The following PLIN4 variants were observed in gnomAD, a reference collection of about 807,000 sequenced individuals.
PLIN4 encodes the protein perilipin-4.
In PLIN4, 57 loss-of-function variants were observed where a neutral mutation model predicts 52.4. That is an observed-to-expected ratio of 1.09 (90% CI 0.88 to 1.36). PLIN4 has a LOEUF of 1.36. Ranked by LOEUF, PLIN4 falls within the 40% of genes most tolerant of loss-of-function variation. PLIN4 has a pLI of 0.00. For missense variants in PLIN4, 1,757 were observed against 1,770.3 expected (o/e 0.99, Z 0.13); for synonymous variants, 826 against 785.4 (o/e 1.05, Z -0.86).
rs1371745015 is a variant in PLIN4 at position 4,510,322 on chromosome 19, C to T, written c.3514+124G>A. 59 of 1,099,994 alleles carry T rather than the reference C, an allele frequency of 5.4e-5. 1 individual carries two copies. Among genetic ancestry groups the T allele is most frequent in the African/African-American group, 9.8e-5 (6 of 61,310 alleles). The allele number at this position is 1,099,994 out of a possible 1,614,324, so 68.1% of individuals were successfully genotyped here. A position where few individuals can be genotyped will look rare whatever the true frequency, so the allele number is the denominator to read the frequency against. On this transcript the variant is annotated intron_variant, in intron 5 of 7. Coordinates refer to ENST00000301286, the MANE Select transcript of PLIN4 (RefSeq NM_001367868.2). ...CGGAGCTTGCAGTGAACCGAGATCACGCCACTGCACTCCAGCCTGGGCAAC... is the reference window on the plus strand; with the variant it reads ...CGGAGCTTGCAGTGAACCGAGATCATGCCACTGCACTCCAGCCTGGGCAAC...
intron 4 of PLIN4, among the ~76,000 whole-genome samples, chr19:4,515,507 G>GATCT (rs1291862185): frequency 2.6e-5 from 4 of 152,202 alleles, no homozygotes; most frequent in Non-Finnish European, 5.9e-5. Context: ...GAGCTCAACT[G>GATCT]ATCTGCCTGC....
intron 4 of PLIN4, among the ~76,000 whole-genome samples, chr19:4,516,108 C>T (rs1439903181): frequency 1.3e-5 from 2 of 152,060 alleles, no homozygotes; most frequent in Non-Finnish European, 2.9e-5. Context: ...GGTGAAACCC[C>T]GTATCTACTA....
intron 3 of PLIN4, 67 bp downstream of exon 3, chr19:4,517,487 G>T: frequency 1.3e-6 from 2 of 1,531,610 alleles, no homozygotes; most frequent in South Asian, 1.2e-5. Context: ...GTCCCTGCCC[G>T]GGGAGCTCCT....
chr19:4,517,778 G>T, intron 2 of PLIN4, 80 bp from the exon 3 acceptor site: 1 of 1,475,752 alleles, frequency 6.8e-7, no homozygotes. Context: ...CGATTGATCA[G>T]CCCAATGCCG....
chr19:4,505,173 G>A (rs115966878), intron 6 of PLIN4, among the ~76,000 whole-genome samples: 37 of 152,250 alleles, frequency 2.4e-4, no homozygotes, highest in African/African-American at 7.7e-4. Flanking sequence ...AGTGTCTGTG[G>A]GGTCGTGTCA....
chr19:4,516,711 G>A lies in PLIN4; in HGVS notation c.197-33C>T, dbSNP rs200087881. On this transcript the variant is annotated intron_variant, in intron 3 of 7. Transcript: ENST00000301286. ...GACAGGGGCCGGTCAGGGAGAGTGA[G>A]GGATGCAGTTAGAACCATCTACCCG... 7 of 1,555,542 alleles carry A rather than the reference G, an allele frequency of 4.5e-6. No homozygotes were observed. The Admixed American group carries it at 1.2e-4, about 26-fold the overall frequency.
rs1976479828 is a variant in PLIN4, at chr19:4,513,162, A to C, written c.798T>G (p.Gly266=). Residue 266 remains glycine (G), a synonymous_variant, in exon 5 of 8, where the codon GGT becomes GGG. Transcript: ENST00000301286. ...GVDTSKTVLT[G]TKDTVCSGVT... is the part of the protein sequence containing the mutation. ...CCCCACTACAGACGGTGTCCTTGGT[A>C]CCTGTTAGGACAGTCTTACTGGTGT... 1 of 1,610,632 alleles carries C rather than the reference A, an allele frequency of 6.2e-7. No individual in the cohort carries two copies. Among genetic ancestry groups the C allele is most frequent in the Non-Finnish European group, 8.5e-7 (1 of 1,179,038 alleles).
Position 4,512,461 on chromosome 19 carries a change from T to C in PLIN4, c.1499A>G (p.Asp500Gly), listed in dbSNP as rs758538932. The C allele has an allele frequency of 1.9e-6, 3 of 1,610,376 alleles. No homozygotes were observed. Among genetic ancestry groups the C allele is most frequent in the Non-Finnish European group, 2.5e-6 (3 of 1,178,792 alleles). Residue 500 changes from aspartate (D) to glycine (G), a missense_variant, in exon 5 of 8, where the codon GAT becomes GGT. Physicochemically the swap from Asp to Gly is moderately conservative, Grantham distance 94. This residue lies in a region of PLIN4 where 439 missense variants were observed against 406.4 expected (regional missense o/e 1.08). Transcript: ENST00000301286. ...TTKSVLTGTK[D>G]AVSTGLTGAV... ...CCCTGTGAGCCCAGTGGACACAGCA[T>C]CTTTAGTGCCAGTCAGGACAGACTT...
In PLIN4 at chr19:4,518,398, C is replaced by G. The variant is rs1475504265; in HGVS notation, c.-31G>C. Reference sequence around the variant, plus strand: ...CCCGACACCCACCTGCAGGCCTGGCCTCACCCTGGTGTCACCGAAGCAGAC... The same window carrying G: ...CCCGACACCCACCTGCAGGCCTGGCGTCACCCTGGTGTCACCGAAGCAGAC... On this transcript the variant is annotated 5_prime_UTR_variant, in exon 1 of 8. Coordinates refer to ENST00000301286, the MANE Select transcript of PLIN4 (RefSeq NM_001367868.2). 1 of 1,230,830 alleles carries G rather than the reference C, an allele frequency of 8.1e-7. No individual in the cohort carries two copies. The highest frequency in any genetic ancestry group is 1.5e-5 in the African/African-American group (1 of 64,534). The allele number at this position is 1,230,830 out of a possible 1,614,324, so 76.2% of individuals were successfully genotyped here.
rs1268081477 is a variant in PLIN4, at chr19:4,511,439, T to G, written c.2521A>C (p.Asn841His). ...TVCSGVTGAA[N>H]VAKGAVQTGL... ...GTTTGCACAGCACCCTTGGCCACGT[T>G]CGCAGCACCGGTGACCCCACTGCAG... The change falls in exon 5 of 8, where the codon AAC becomes CAC. Residue 841 changes from asparagine (N) to histidine (H), a missense_variant. Physicochemically the swap from Asn to His is moderately conservative, Grantham distance 68. Around this residue, in one of 7 missense-constraint regions of PLIN4, gnomAD observed 76 missense variants for 109.1 expected, o/e 0.70. Transcript: ENST00000301286. The G allele has an allele frequency of 2.6e-6, 4 of 1,532,260 alleles. No homozygotes were observed. The highest frequency in any genetic ancestry group is 2.7e-6 in the Non-Finnish European group (3 of 1,120,632). The allele number at this position is 1,532,260 out of a possible 1,614,324, so 94.9% of individuals were successfully genotyped here. A position where few individuals can be genotyped will look rare whatever the true frequency, so the allele number is the denominator to read the frequency against.
At chr19:4,514,553 G>A (rs1022969607) in intron 4 of PLIN4, among the ~76,000 whole-genome samples, 1 of 151,506 alleles carries the variant, frequency 6.6e-6, no homozygotes, top group Non-Finnish European at 1.5e-5. Context: ...GTGAAACCCT[G>A]TCTCTACTAA....
chr19:4,505,999 C>T (rs774827389), intron 6 of PLIN4, among the ~76,000 whole-genome samples: 2 of 152,146 alleles, frequency 1.3e-5, no homozygotes, highest in Non-Finnish European at 2.9e-5. Context: ...ACACCCAGAG[C>T]CCAGCTACTT....
rs1976589090 is a variant in PLIN4 at position 4,516,628 on chromosome 19, G to T, written c.247C>A (p.Pro83Thr). Residue 83 changes from proline (P) to threonine (T), a missense_variant, in exon 4 of 8, where the codon CCT (proline) becomes ACT (threonine). By Grantham distance (38) the Pro-to-Thr change is conservative. Around this residue, in one of 7 missense-constraint regions of PLIN4, gnomAD observed 332 missense variants for 310.8 expected, o/e 1.07. Transcript: ENST00000301286. ...TAPWTEKELQ[P>T]SEKMVSGAKD... Reference sequence around the variant, plus strand: ...GCACATCCTCTCACCTTTTCCGAAGGTTGCAGCTCCTTCTCCGTCCATGGG... The same window carrying T: ...GCACATCCTCTCACCTTTTCCGAAGTTTGCAGCTCCTTCTCCGTCCATGGG... The T allele has an allele frequency of 2.5e-6, 4 of 1,604,766 alleles. No homozygotes were observed. The highest frequency in any genetic ancestry group is 1.1e-5 in the South Asian group (1 of 89,152).
At chr19:4,514,052 C>T (rs1412522625) in intron 4 of PLIN4, among the ~76,000 whole-genome samples, 1 of 152,258 alleles carries the variant, frequency 6.6e-6, no homozygotes, top group East Asian at 1.9e-4. Context: ...GGACTCAACG[C>T]AGGTCCTACA....
intron 5 of PLIN4, among the ~76,000 whole-genome samples, chr19:4,509,776 C>CA (rs1229239054): frequency 2.1e-5 from 3 of 145,918 alleles, no homozygotes; most frequent in African/African-American, 5.1e-5. Flanking sequence ...AAAAAACATA[C>CA]AAAAAAATAC....
chr19:4,509,003 C>CAGGGCTTTATA, intron 5 of PLIN4, 48 bp from the exon 6 acceptor site: 1 of 1,546,738 alleles, frequency 6.5e-7, no homozygotes, highest in Non-Finnish European at 8.7e-7. Flanking sequence ...CTCAGGGCAT[C>CAGGGCTTTATA]AGGGCTTTAT....
chr19:4,514,051 G>C (rs943469075), intron 4 of PLIN4, among the ~76,000 whole-genome samples: 1 of 152,216 alleles, frequency 6.6e-6, no homozygotes, highest in African/African-American at 2.4e-5. Context: ...TGGACTCAAC[G>C]CAGGTCCTAC....
In PLIN4 at chr19:4,512,683, T is replaced by C. The variant is rs747503057; in HGVS notation, c.1277A>G (p.Gln426Arg). The change falls in exon 5 of 8, where the codon CAA (glutamine) becomes CGA (arginine). Residue 426 changes from glutamine (Q) to arginine (R), a missense_variant. Physicochemically the swap from Gln to Arg is conservative, Grantham distance 43. Coordinates refer to ENST00000301286, the MANE Select transcript of PLIN4 (RefSeq NM_001367868.2). ...GAMQTGLNTT[Q>R]NIATGTKDTV... is the part of the protein sequence containing the mutation. The stretch of plus-strand genomic sequence containing the variant: ...GTCCTTTGTACCTGTTGCGATATTT[T>C]GGGTTGTGTTCAGCCCAGTTTGCAT... 2.6e-6 allele frequency: 4 copies of C among 1,554,608 alleles called. 1 individual carries two copies.
At position 4,504,658 on chromosome 19, in the gene PLIN4, C is replaced by A; in HGVS notation, c.3917G>T (p.Arg1306Leu). Residue 1306 changes from arginine to leucine, a missense_variant, in exon 8 of 8, where the codon CGG becomes CTG. Arg to Leu is a moderately radical substitution (Grantham distance 102, BLOSUM62 -2). This residue lies in a region of PLIN4 where 712 missense variants were observed against 637.1 expected (regional missense o/e 1.12). Transcript: ENST00000301286. Reference protein sequence around the residue: ...AELQQPVGRARHSLCELYGIV... With the variant: ...AELQQPVGRALHSLCELYGIV... ...GCCATAGAGCTCACAGAGGCTGTGC[C>A]GCGCCCGCCCCACTGGCTGCTGGAG... 1 of 1,602,634 alleles carries A rather than the reference C, an allele frequency of 6.2e-7. No individual in the cohort carries two copies. Among genetic ancestry groups the A allele is most frequent in the Non-Finnish European group, 8.5e-7 (1 of 1,178,010 alleles).
Sources: allele counts gnomAD v4.1 joint callset (sites outside exome capture counted in the v4.1 genomes callset), GRCh38; gene constraint gnomAD v4.1.1; regional missense constraint gnomAD v4.1.1; transcripts MANE v1.5; gene names NCBI Gene and HGNC (gene_info 2026-07-23, HGNC 2026-07-21).